The following HERPUD2 variants were observed in gnomAD, a reference collection of about 807,000 sequenced individuals.
The protein encoded by HERPUD2 is HERPUD family member 2.
In HERPUD2, 13 loss-of-function variants were observed where a neutral mutation model predicts 49.9. The ratio of observed to expected loss-of-function variants is 0.26; its 90% CI spans 0.17 to 0.41. The LOEUF (loss-of-function observed/expected upper bound fraction) is 0.41. Among genes scored for constraint, HERPUD2 ranks in the 10% least tolerant of loss-of-function variants. HERPUD2 has a pLI of 1.00. For missense variants in HERPUD2, 449 were observed against 492.2 expected, an observed-to-expected ratio of 0.91 and a Z score of 0.83; for synonymous variants, 172 against 171.4, an observed-to-expected ratio of 1.00 and a Z score of -0.03.
At chr7:35,665,922 T>TA (rs1785528596) in intron 5 of HERPUD2, among the ~76,000 whole-genome samples, 2 of 152,226 alleles carry the variant, frequency 1.3e-5, no homozygotes, top group Non-Finnish European at 2.9e-5. Context: ...CAAAATATAT[T>TA]CACTGTAAGT....
chr7:35,638,047 C>T (rs1234551325), intron 6 of HERPUD2, among the ~76,000 whole-genome samples: 2 of 152,208 alleles, frequency 1.3e-5, no homozygotes, highest in African/African-American at 2.4e-5. Context: ...TTCCTTTACT[C>T]ATTTGACTAA....
chr7:35,667,243 G>A (rs1785555352), intron 5 of HERPUD2, among the ~76,000 whole-genome samples, 191 bp downstream of exon 5: 1 of 152,194 alleles, frequency 6.6e-6, no homozygotes, highest in Non-Finnish European at 1.5e-5. Context: ...TGCCCTACAT[G>A]ATTCTCATGT....
At chr7:35,655,703 G>A (rs1469034761) in intron 5 of HERPUD2, among the ~76,000 whole-genome samples, 1 of 152,140 alleles carries the variant, frequency 6.6e-6, no homozygotes, top group African/African-American at 2.4e-5. Flanking sequence ...CATCAAGCAA[G>A]AGAAAGTAAG....
At chr7:35,675,323 C>T (rs1238660108) in intron 2 of HERPUD2, among the ~76,000 whole-genome samples, 1 of 152,132 alleles carries the variant, frequency 6.6e-6, no homozygotes, top group African/African-American at 2.4e-5. Context: ...TTCCTATATC[C>T]ATATAGGCAC....
chr7:35,671,560 T>C (rs2115971079), intron 3 of HERPUD2, among the ~76,000 whole-genome samples: 1 of 152,224 alleles, frequency 6.6e-6, no homozygotes, highest in South Asian at 2.1e-4. Context: ...TTAATCACAA[T>C]TAATTCACAG....
intron 5 of HERPUD2, among the ~76,000 whole-genome samples, chr7:35,649,473 T>C (rs1351663276): frequency 6.6e-6 from 1 of 152,112 alleles, no homozygotes; most frequent in African/African-American, 2.4e-5. Flanking sequence ...CTGAGCCAAA[T>C]ACGAGTGACC....
intron 5 of HERPUD2, among the ~76,000 whole-genome samples, chr7:35,646,893 C>A (rs1785063893): frequency 1.3e-5 from 2 of 151,430 alleles, no homozygotes; most frequent in South Asian, 2.1e-4. Context: ...TACTAGTTAG[C>A]ACTGTAGGAT....
At chr7:35,637,070 T>A (rs1459561644) in intron 6 of HERPUD2, among the ~76,000 whole-genome samples, 1 of 151,344 alleles carries the variant, frequency 6.6e-6, no homozygotes, top group Non-Finnish European at 1.5e-5. Context: ...GAGGCGGAGG[T>A]TGCAGTGAAC....
intron 3 of HERPUD2, among the ~76,000 whole-genome samples, chr7:35,672,335 G>A (rs1785661339): frequency 6.6e-6 from 1 of 151,542 alleles, no homozygotes; most frequent in South Asian, 2.1e-4. Flanking sequence ...TGAGGGAGTG[G>A]GTATTACACC....
intron 5 of HERPUD2, among the ~76,000 whole-genome samples, chr7:35,646,622 GTCT>G (rs914440251): frequency 6.6e-6 from 1 of 152,098 alleles, no homozygotes; most frequent in Non-Finnish European, 1.5e-5. Context: ...TAAATTAATT[GTCT>G]TCTTTTTTTG....
At chr7:35,680,831 TAAATA>T (rs1045485037) in intron 2 of HERPUD2, among the ~76,000 whole-genome samples, 2 of 152,212 alleles carry the variant, frequency 1.3e-5, no homozygotes, top group African/African-American at 4.8e-5. Context: ...TTTTTTCTCT[TAAATA>T]AAAGTGCCAA....
chr7:35,690,805 G>T (rs149245526), intron 2 of HERPUD2, among the ~76,000 whole-genome samples: 3 of 129,410 alleles, frequency 2.3e-5, no homozygotes, highest in African/African-American at 8.0e-5. Context: ...GCGAAACTCC[G>T]TCTCAAAAAA....
chr7:35,656,213 C>G (rs953377398), intron 5 of HERPUD2, among the ~76,000 whole-genome samples: 1 of 151,612 alleles, frequency 6.6e-6, no homozygotes, highest in African/African-American at 2.4e-5. Flanking sequence ...AGAAGACAAT[C>G]CCCCTTACAA....
intron 4 of HERPUD2, 83 bp downstream of exon 4, chr7:35,670,132 C>T: frequency 1.7e-6 from 1 of 572,130 alleles, no homozygotes; most frequent in Non-Finnish European, 3.0e-6. Flanking sequence ...TTCTGTTTTT[C>T]ATTTAGTTTT....
At chr7:35,680,957 C>T (rs1230703046) in intron 2 of HERPUD2, among the ~76,000 whole-genome samples, 1 of 121,160 alleles carries the variant, frequency 8.3e-6, no homozygotes, top group East Asian at 2.3e-4. Flanking sequence ...GTTATGAGTC[C>T]AAAACTGCTT....
intron 5 of HERPUD2, among the ~76,000 whole-genome samples, chr7:35,642,468 C>G (rs1372519277): frequency 3.3e-5 from 5 of 152,072 alleles, no homozygotes; most frequent in Non-Finnish European, 5.9e-5. Context: ...GGTATATACC[C>G]AAAGAAATAT....
At chr7:35,665,234 G>C (rs1289362209) in intron 5 of HERPUD2, among the ~76,000 whole-genome samples, 1 of 152,230 alleles carries the variant, frequency 6.6e-6, no homozygotes, top group African/African-American at 2.4e-5. Context: ...TACAGAGGCA[G>C]GGAGGCCTCC....
intron 5 of HERPUD2, among the ~76,000 whole-genome samples, chr7:35,661,328 G>T (rs1785417060): frequency 6.6e-6 from 1 of 152,148 alleles, no homozygotes; most frequent in Admixed American, 6.5e-5. Flanking sequence ...CTCCAACTTT[G>T]TTCTTTTGGC....
At chr7:35,672,449 T>C (rs1019887578) in intron 3 of HERPUD2, among the ~76,000 whole-genome samples, 2 of 152,026 alleles carry the variant, frequency 1.3e-5, no homozygotes, top group Non-Finnish European at 2.9e-5. Flanking sequence ...TAATATATTT[T>C]TTTAAAGTTT....
Sources: allele counts gnomAD v4.1 joint callset (sites outside exome capture counted in the v4.1 genomes callset), GRCh38; gene constraint gnomAD v4.1.1; transcripts MANE v1.5; gene names NCBI Gene and HGNC (gene_info 2026-07-23, HGNC 2026-07-21).